Variants in B3GALNT2 observed in about 807,000 individuals in gnomAD.
The protein encoded by B3GALNT2 is UDP-GalNAc:beta-1,3-N-acetylgalactosaminyltransferase 2.
A neutral mutation model predicts 61.1 loss-of-function variants in B3GALNT2; 53 were observed. The ratio of observed to expected loss-of-function variants is 0.87; its 90% CI spans 0.70 to 1.09. B3GALNT2 has a LOEUF of 1.09. Among genes scored for constraint, B3GALNT2 ranks in the 50% least tolerant of loss-of-function variants. The pLI is 0.00. For missense variants in B3GALNT2, 544 were observed against 623.0 expected (o/e 0.87, Z 1.35); for synonymous variants, 223 against 237.4 (o/e 0.94, Z 0.56).
chr1:235,461,174 A>T (rs1683410969), intron 7 of B3GALNT2, among the ~76,000 whole-genome samples: 2 of 152,220 alleles, frequency 1.3e-5, no homozygotes, highest in Non-Finnish European at 2.9e-5. Context: ...GGAAAGGATG[A>T]GGTGGGAAGC....
the B3GALNT2 span, chr1:235,441,603 T>A: frequency 1.7e-6 from 1 of 577,002 alleles, no homozygotes; most frequent in Non-Finnish European, 3.1e-6. Flanking sequence ...AGCTACAGAG[T>A]CTGCAGCTCT....
intron 7 of B3GALNT2, among the ~76,000 whole-genome samples, chr1:235,460,745 C>T (rs1021355728): frequency 8.6e-5 from 13 of 151,796 alleles, no homozygotes; most frequent in African/African-American, 2.9e-4. Context: ...AGGAAATTTT[C>T]AAGTTTTTTG....
chr1:235,441,374 C>T, the B3GALNT2 span: 14 of 257,486 alleles, frequency 5.4e-5, no homozygotes, highest in African/African-American at 3.0e-4. Context: ...TCCTGTGGAT[C>T]GTGTCTCAGG....
intron 5 of B3GALNT2, among the ~76,000 whole-genome samples, chr1:235,477,073 A>C (rs868495232): frequency 6.6e-6 from 1 of 152,190 alleles, no homozygotes; most frequent in Middle Eastern, 3.4e-3. Flanking sequence ...AAAAAGTCTT[A>C]ATAACTACAA....
At position 235,452,622 on chromosome 1, in the gene B3GALNT2, C is replaced by T. The variant is rs552871533; in HGVS notation, c.1368+468G>A. On this transcript the variant is annotated intron_variant, in intron 11 of 11. Transcript: ENST00000366600. ...GGAGTGCAGTGGTGCATTCACAGCT[C>T]CCTGCACCCTCGACCTCCCAGGCTC... Among the ~76,000 whole-genome samples, 15 of 151,976 alleles carry T rather than the reference C, an allele frequency of 9.9e-5. No homozygotes were observed. In the South Asian group the frequency reaches 2.3e-3, roughly 23 times the overall value.
At chr1:235,494,598 G>C in intron 2 of B3GALNT2, 83 bp downstream of exon 2, 1 of 1,426,318 alleles carries the variant, frequency 7.0e-7, no homozygotes, top group Non-Finnish European at 9.6e-7. Context: ...CTGGGACGAC[G>C]GGCACACACC....
At chr1:235,491,476 T>C (rs1685063230) in intron 2 of B3GALNT2, among the ~76,000 whole-genome samples, 1 of 152,214 alleles carries the variant, frequency 6.6e-6, no homozygotes. Flanking sequence ...AGCCAGTTAG[T>C]AAACCTTTAT....
intron 7 of B3GALNT2, chr1:235,465,435 G>C: frequency 1.3e-6 from 1 of 753,716 alleles, no homozygotes; most frequent in South Asian, 2.5e-5. Flanking sequence ...CTGCTAATGG[G>C]TGTGGGGTTT....
chr1:235,448,724 T>G lies in B3GALNT2; in HGVS notation c.*1482A>C. 6.2e-7 allele frequency: 1 copy of G among 1,614,126 alleles called. No homozygotes were observed. The highest frequency in any genetic ancestry group is 8.5e-7 in the Non-Finnish European group (1 of 1,179,998). ...TGACCTAAAGTCATTACAGTTTTAT[T>G]CTGTGGAAAATGGAGATTGTCTATT... On this transcript the variant is annotated 3_prime_UTR_variant, in exon 12 of 12. Transcript: ENST00000366600.
intron 4 of B3GALNT2, among the ~76,000 whole-genome samples, chr1:235,481,924 G>A (rs1237689697): frequency 6.6e-6 from 1 of 151,968 alleles, no homozygotes; most frequent in African/African-American, 2.4e-5. Flanking sequence ...ATCAACAAAC[G>A]AGACAGATTA....
chr1:235,476,312 G>A (rs1249540423), intron 5 of B3GALNT2, among the ~76,000 whole-genome samples: 3 of 152,214 alleles, frequency 2.0e-5, no homozygotes, highest in Non-Finnish European at 4.4e-5. Context: ...TCAGGAGGCT[G>A]AGGCAGGAGA....
chr1:235,488,975 CG>C (rs1048140633), intron 3 of B3GALNT2, among the ~76,000 whole-genome samples, 192 bp downstream of exon 3: 1 of 151,796 alleles, frequency 6.6e-6, no homozygotes, highest in Non-Finnish European at 1.5e-5. Context: ...GCTTGAGCCC[CG>C]GAGTTTGAGG....
chr1:235,465,846 T>C, intron 6 of B3GALNT2, 132 bp from the exon 7 acceptor site: 2 of 982,446 alleles, frequency 2.0e-6, no homozygotes, highest in African/African-American at 1.6e-5. Flanking sequence ...GCTGGTGCAC[T>C]GGAGGCTTAT....
intron 1 of B3GALNT2, among the ~76,000 whole-genome samples, chr1:235,497,908 T>C (rs1685400319): frequency 6.6e-6 from 1 of 152,190 alleles, no homozygotes; most frequent in South Asian, 2.1e-4. Context: ...CTTTTTGATC[T>C]TATTCCACCT....
intron 2 of B3GALNT2, among the ~76,000 whole-genome samples, chr1:235,491,554 C>A (rs1360300267): frequency 6.6e-6 from 1 of 152,094 alleles, no homozygotes; most frequent in African/African-American, 2.4e-5. Context: ...TCCCATGAAA[C>A]CTGCTCTTCT....
At chr1:235,441,647 CGTT>C in the B3GALNT2 span, 1 of 630,300 alleles carries the variant, frequency 1.6e-6, no homozygotes, top group Non-Finnish European at 2.8e-6. Flanking sequence ...TGGAAGTGGT[CGTT>C]GTCCATCACT....
intron 6 of B3GALNT2, among the ~76,000 whole-genome samples, chr1:235,468,887 A>G (rs527349210): frequency 1.3e-5 from 2 of 152,286 alleles, no homozygotes; most frequent in African/African-American, 4.8e-5. Context: ...TCAGTAAAAA[A>G]TTTTTCATAA....
At chr1:235,478,429 A>G (rs696240) in intron 5 of B3GALNT2, among the ~76,000 whole-genome samples, 68,851 of 152,070 alleles carry the variant, frequency 0.45, 16,218 homozygotes, top group Non-Finnish European at 0.5. Context: ...CATATGTGAA[A>G]TTAATAAAAG....
At chr1:235,462,413 A>T (rs1240284639) in intron 7 of B3GALNT2, among the ~76,000 whole-genome samples, 1 of 152,222 alleles carries the variant, frequency 6.6e-6, no homozygotes, top group Admixed American at 6.5e-5. Flanking sequence ...GAAAAGGAAG[A>T]AGCAAAACTC....
Sources: gnomAD v4.1 joint callset for allele counts (sites outside exome capture counted in the v4.1 genomes callset) on GRCh38, gnomAD v4.1.1 for gene constraint, MANE v1.5 for transcripts, NCBI Gene and HGNC (gene_info 2026-07-23, HGNC 2026-07-21) for gene names.